NMNAT3: variants seen among roughly 807,000 people sequenced by gnomAD.
The protein encoded by NMNAT3 is nicotinamide/nicotinic acid mononucleotide adenylyltransferase 3.
Under a neutral mutation model 24.8 loss-of-function variants are expected in NMNAT3, and 21 were observed. That is an observed-to-expected ratio of 0.85 (90% CI 0.60 to 1.22). The LOEUF is 1.22. NMNAT3 is among the 50% of genes most tolerant of loss of function. The pLI, the probability that NMNAT3 is intolerant of heterozygous loss-of-function variation, is 0.00. For missense variants in NMNAT3, 387 were observed against 436.6 expected, an observed-to-expected ratio of 0.89 and a Z score of 1.01; for synonymous variants, 136 against 155.2, an observed-to-expected ratio of 0.88 and a Z score of 0.92.
intron 3 of NMNAT3, among the ~76,000 whole-genome samples, chr3:139,591,130 A>C (rs1481832350): frequency 1.3e-5 from 2 of 151,244 alleles, no homozygotes; most frequent in African/African-American, 4.9e-5. Flanking sequence ...CGCGAGCCGA[A>C]GCAGGGCGAG....
chr3:139,672,286 A>AG (rs34828742), intron 1 of NMNAT3, among the ~76,000 whole-genome samples: 33 of 152,270 alleles, frequency 2.2e-4, no homozygotes, highest in African/African-American at 7.9e-4. Flanking sequence ...AAGCAAAGAA[A>AG]GGGGGGCGTA....
At chr3:139,639,377 G>C (rs1337584429) in intron 1 of NMNAT3, among the ~76,000 whole-genome samples, 1 of 152,238 alleles carries the variant, frequency 6.6e-6, no homozygotes, top group African/African-American at 2.4e-5. Flanking sequence ...GCTGCTGATT[G>C]TTCTGGACTT....
chr3:139,668,053 T>C (rs767141820), intron 1 of NMNAT3, among the ~76,000 whole-genome samples: 37 of 152,154 alleles, frequency 2.4e-4, no homozygotes, highest in Non-Finnish European at 4.3e-4. Context: ...AATGAAATTA[T>C]CCAGGTGTAA....
chr3:139,561,128 C>T lies in NMNAT3; in HGVS notation c.923G>A (p.Ser308Asn), dbSNP rs753772366. Residue 308 changes from serine to asparagine, a missense_variant, in exon 7 of 7, where the codon AGC becomes AAC. Coordinates refer to ENST00000643695, the MANE Select transcript of NMNAT3 (RefSeq NM_001320510.2). ...AGCATCGGGAATCAGGTACTTTACG[C>T]TCTGCCCTTGGCCCAAGGCTCGCCT... is the stretch of plus-strand genomic sequence containing the variant. 6 of 1,614,016 alleles carry T rather than the reference C, an allele frequency of 3.7e-6. No homozygotes were observed. The South Asian group carries it at 5.5e-5, about 15-fold the overall frequency.
At chr3:139,606,318 C>G (rs1318830838) in intron 3 of NMNAT3, among the ~76,000 whole-genome samples, 1 of 152,200 alleles carries the variant, frequency 6.6e-6, no homozygotes, top group Non-Finnish European at 1.5e-5. Flanking sequence ...GTAGAACATC[C>G]CTCAGTTTGG....
intron 1 of NMNAT3, among the ~76,000 whole-genome samples, chr3:139,641,647 C>G (rs2056706883): frequency 6.6e-6 from 1 of 152,072 alleles, no homozygotes; most frequent in East Asian, 1.9e-4. Flanking sequence ...AAGCTTCAGC[C>G]CACAGACATC....
chr3:139,643,352 C>T (rs572187225), intron 1 of NMNAT3, among the ~76,000 whole-genome samples: 2 of 152,220 alleles, frequency 1.3e-5, no homozygotes, highest in Middle Eastern at 3.4e-3. Flanking sequence ...CCAGGAATTC[C>T]ACTTCTAAGT....
chr3:139,631,762 T>A lies in NMNAT3; in HGVS notation c.-40-3998A>T, dbSNP rs547415077. 2.0e-5 allele frequency among the ~76,000 whole-genome samples: 3 copies of A among 152,088 alleles called. No homozygotes were observed. The East Asian group carries it at 5.8e-4, about 30-fold the overall frequency. On this transcript the variant is annotated intron_variant, in intron 2 of 6. Coordinates refer to ENST00000643695, the MANE Select transcript of NMNAT3 (RefSeq NM_001320510.2). ...GCAGTCATGACCACCTGAAACGCCATCCTGATGATCTGCCTTCAAGGTTTT... is the reference window on the plus strand; with the variant it reads ...GCAGTCATGACCACCTGAAACGCCAACCTGATGATCTGCCTTCAAGGTTTT...
chr3:139,570,194 C>G lies in NMNAT3; in HGVS notation c.658+3404G>C, dbSNP rs777442321. On this transcript the variant is annotated intron_variant, in intron 6 of 6. Coordinates refer to ENST00000643695, the MANE Select transcript of NMNAT3 (RefSeq NM_001320510.2). ...CTCGTGCCTTGGTTTTCAGCTCCAT[C>G]AGGTCCTTTAAGGACTTCTGTGCAT... 7.0e-4 allele frequency: 106 copies of G among 152,200 alleles called. 6 individuals are homozygous for G. The highest frequency in any genetic ancestry group is 2.4e-5 in the African/African-American group (1 of 41,458). The allele number at this position is 152,200 out of a possible 1,614,324, so 9.4% of individuals were successfully genotyped here.
chr3:139,573,121 G>A (rs1290989249), intron 6 of NMNAT3, among the ~76,000 whole-genome samples: 1 of 152,196 alleles, frequency 6.6e-6, no homozygotes, highest in African/African-American at 2.4e-5. Context: ...TACAAATTAA[G>A]AGGATAATCC....
chr3:139,604,240 T>C (rs1165293267), intron 3 of NMNAT3, among the ~76,000 whole-genome samples: 2 of 152,210 alleles, frequency 1.3e-5, no homozygotes, highest in Non-Finnish European at 2.9e-5. Context: ...CTAGAGGGGC[T>C]TTAAAATCAG....
At chr3:139,627,284 C>G (rs2056094352) in intron 3 of NMNAT3, among the ~76,000 whole-genome samples, 1 of 152,138 alleles carries the variant, frequency 6.6e-6, no homozygotes, top group South Asian at 2.1e-4. Context: ...ACCTATTCAT[C>G]TGGCTGTGTA....
intron 3 of NMNAT3, among the ~76,000 whole-genome samples, chr3:139,613,756 C>A (rs1176881500): frequency 1.3e-5 from 2 of 152,046 alleles, no homozygotes; most frequent in African/African-American, 4.8e-5. Flanking sequence ...CAATGATAGA[C>A]TAGATTAAGA....
At chr3:139,611,049 G>C (rs77313275) in intron 3 of NMNAT3, among the ~76,000 whole-genome samples, 1 of 149,328 alleles carries the variant, frequency 6.7e-6, no homozygotes, top group Admixed American at 6.7e-5. Flanking sequence ...GGGGGTGGTG[G>C]TGTTAAGAAA....
chr3:139,608,947 T>C (rs867009994), intron 3 of NMNAT3, among the ~76,000 whole-genome samples: 1 of 152,240 alleles, frequency 6.6e-6, no homozygotes, highest in Non-Finnish European at 1.5e-5. Flanking sequence ...GTTCCTTACT[T>C]ACACAATTTT....
intron 1 of NMNAT3, among the ~76,000 whole-genome samples, chr3:139,645,870 T>C (rs560706454): frequency 1.4e-4 from 21 of 152,252 alleles, no homozygotes; most frequent in African/African-American, 4.8e-4. Context: ...GCGATAAAAA[T>C]GTATTATTCA....
chr3:139,670,609 G>T (rs895135195), intron 1 of NMNAT3, among the ~76,000 whole-genome samples: 1 of 152,204 alleles, frequency 6.6e-6, no homozygotes. Flanking sequence ...CCAGCATTAG[G>T]TAGCAAAGAA....
intron 1 of NMNAT3, among the ~76,000 whole-genome samples, chr3:139,653,128 C>A (rs1470443740): frequency 1.3e-5 from 2 of 152,032 alleles, no homozygotes; most frequent in East Asian, 3.9e-4. Flanking sequence ...TCATAAATGT[C>A]ACTGTATTGG....
intron 3 of NMNAT3, among the ~76,000 whole-genome samples, chr3:139,587,173 C>T (rs1354753009): frequency 1.3e-5 from 2 of 152,214 alleles, no homozygotes; most frequent in Admixed American, 1.3e-4. Flanking sequence ...GAACAGCCTC[C>T]TTCAGCTTTG....
Sources: gnomAD v4.1 joint callset for allele counts (sites outside exome capture counted in the v4.1 genomes callset) on GRCh38, gnomAD v4.1.1 for gene constraint, MANE v1.5 for transcripts, NCBI Gene and HGNC (gene_info 2026-07-23, HGNC 2026-07-21) for gene names.